The following MYO7A variants were observed in gnomAD, a reference collection of about 807,000 sequenced individuals.
MYO7A encodes myosin VIIA.
Under a neutral mutation model 263.8 loss-of-function variants are expected in MYO7A, and 210 were observed. The observed-to-expected ratio is 0.80, with a 90% CI of 0.71 to 0.89. The LOEUF (loss-of-function observed/expected upper bound fraction) is 0.89. Ranked by LOEUF, MYO7A falls within the 40% of genes least tolerant of loss-of-function variation. The pLI, the probability that MYO7A is intolerant of heterozygous loss-of-function variation, is 0.00. For missense variants in MYO7A, 2,820 were observed against 2,968.3 expected (o/e 0.95, Z 1.16); for synonymous variants, 1,239 against 1,197.3 (o/e 1.03, Z -0.72).
chr11:77,196,251 T>C (rs1174031367), intron 32 of MYO7A, among the ~76,000 whole-genome samples: 1 of 152,018 alleles, frequency 6.6e-6, no homozygotes, highest in Non-Finnish European at 1.5e-5. Flanking sequence ...CCTGTGATCC[T>C]AGCTACTCGG....
At chr11:77,194,969 T>G (rs998795205) in intron 32 of MYO7A, among the ~76,000 whole-genome samples, 5 of 152,044 alleles carry the variant, frequency 3.3e-5, no homozygotes, top group African/African-American at 1.2e-4. Flanking sequence ...CATGAGTGGT[T>G]CCCTCCCAAG....
At chr11:77,142,313 G>A (rs1380521736) in intron 2 of MYO7A, among the ~76,000 whole-genome samples, 2 of 152,226 alleles carry the variant, frequency 1.3e-5, no homozygotes, top group African/African-American at 2.4e-5. Flanking sequence ...TTCACCCACT[G>A]TCTGGGTGTC....
intron 25 of MYO7A, among the ~76,000 whole-genome samples, chr11:77,182,848 C>A (rs1955365792): frequency 6.6e-6 from 1 of 152,224 alleles, no homozygotes; most frequent in Non-Finnish European, 1.5e-5. Flanking sequence ...CAGTTGGAGC[C>A]AGCTCCCGTA....
intron 43 of MYO7A, 78 bp from the exon 44 acceptor site, chr11:77,208,619 T>G: frequency 1.3e-6 from 2 of 1,495,954 alleles, no homozygotes; most frequent in East Asian, 4.9e-5. Context: ...AGTGAGGGCC[T>G]CCTCTGGGTC....
intron 3 of MYO7A, among the ~76,000 whole-genome samples, chr11:77,144,007 AG>A (rs1951389444): frequency 6.6e-6 from 1 of 152,148 alleles, no homozygotes; most frequent in African/African-American, 2.4e-5. Flanking sequence ...AGGGAGGGAA[AG>A]AATTGTCATC....
chr11:77,210,929 G>C, intron 44 of MYO7A: 1 of 526,252 alleles, frequency 1.9e-6, no homozygotes, highest in South Asian at 3.0e-5. Flanking sequence ...ACATGGCCAT[G>C]CACTCCAACT....
intron 5 of MYO7A, 120 bp from the exon 6 acceptor site, chr11:77,156,540 C>A (rs1427736581): frequency 7.0e-7 from 1 of 1,431,480 alleles, no homozygotes; most frequent in East Asian, 2.3e-5. Context: ...CTGGAGGGTC[C>A]GTATTGTCAG....
chr11:77,208,869 G>A (rs1392091543), intron 44 of MYO7A, 66 bp downstream of exon 44: 1 of 1,326,726 alleles, frequency 7.5e-7, no homozygotes, highest in African/African-American at 1.5e-5. Context: ...GGCCCTGAAA[G>A]CAGAGACCCA....
chr11:77,212,155 G>A (rs755087988), intron 46 of MYO7A: 15 of 667,420 alleles, frequency 2.2e-5, no homozygotes, highest in Non-Finnish European at 3.3e-5. Context: ...TGGCAGTGGA[G>A]GCAGACATGT....
In MYO7A at chr11:77,183,173, G is replaced by T. The variant is rs781990381; in HGVS notation, c.3375+16G>T. The T allele has an allele frequency of 1.9e-6, 3 of 1,549,012 alleles. No homozygotes were observed. Among genetic ancestry groups the T allele is most frequent in the Non-Finnish European group, 8.7e-7 (1 of 1,145,306 alleles). Reference sequence around the variant, plus strand: ...CACAGAGGAGGTGAGGGCAGACGCTGGGGGTCTGGCAGCCCAGGGGTGGCT... The same window carrying T: ...CACAGAGGAGGTGAGGGCAGACGCTTGGGGTCTGGCAGCCCAGGGGTGGCT... On this transcript the variant is annotated intron_variant, in intron 26 of 48. Coordinates refer to ENST00000409709, the MANE Select transcript of MYO7A (RefSeq NM_000260.4).
chr11:77,148,862 CTCTT>C (rs1392579365), intron 4 of MYO7A, among the ~76,000 whole-genome samples: 1 of 152,106 alleles, frequency 6.6e-6, no homozygotes, highest in African/African-American at 2.4e-5. Flanking sequence ...TTTTTCAAAT[CTCTT>C]TAATGTCTGG....
At chr11:77,170,286 G>C (rs1025327980) in intron 15 of MYO7A, among the ~76,000 whole-genome samples, 1 of 152,162 alleles carries the variant, frequency 6.6e-6, no homozygotes, top group Admixed American at 6.5e-5. Flanking sequence ...CCAGAGGAAG[G>C]GCTTTGCAGG....
Position 77,212,674 on chromosome 11 carries a change from G to A in MYO7A, c.6355-278G>A, listed in dbSNP as rs115930794. Reference sequence around the variant, plus strand: ...CGAGGAGAACAGGTAGGTAGCTGGAGGCAGGTGCAGGGTCCAGGAGGCTTT... The same window carrying A: ...CGAGGAGAACAGGTAGGTAGCTGGAAGCAGGTGCAGGGTCCAGGAGGCTTT... On this transcript the variant is annotated intron_variant, in intron 46 of 48. Transcript: ENST00000409709. The A allele has an allele frequency of 1.2e-3, 647 of 518,814 alleles. 5 individuals carry two copies. The highest frequency in any genetic ancestry group is 0.011 in the African/African-American group (583 of 52,378). The allele number at this position is 518,814 out of a possible 1,614,324, so 32.1% of individuals were successfully genotyped here.
intron 18 of MYO7A, among the ~76,000 whole-genome samples, chr11:77,176,890 T>C (rs1230268354): frequency 6.6e-6 from 1 of 152,150 alleles, no homozygotes; most frequent in Admixed American, 6.5e-5. Context: ...AATTCATATA[T>C]ATTAAGTGAA....
At chr11:77,159,623 C>G (rs947688907) in intron 10 of MYO7A, 100 bp downstream of exon 10, 4 of 1,225,420 alleles carry the variant, frequency 3.3e-6, no homozygotes, top group Non-Finnish European at 3.5e-6. Context: ...ATTGCTGGGA[C>G]CCTCTGGTTT....
chr11:77,137,496 A>G (rs1591179025), intron 2 of MYO7A, among the ~76,000 whole-genome samples: 1 of 152,214 alleles, frequency 6.6e-6, no homozygotes, highest in South Asian at 2.1e-4. Flanking sequence ...GGAGGAGGAC[A>G]AAGATAGGCA....
rs116892396 is a variant in MYO7A at position 77,155,945 on chromosome 11, C to A, written c.324C>A (p.Tyr108Ter). ...CCATCCTGGTGGCTGTGAACCCCTA[C>A]CAGCTGCTCTCCATCTACTCGCCAG... ...TGSILVAVNP[Y>*]QLLSIYSPEH... Residue 108 changes from tyrosine (Y) to a stop codon, truncating the protein, a stop_gained, in exon 5 of 49, where the codon TAC becomes TAA. Transcript: ENST00000409709. LOFTEE classifies it high-confidence loss of function. 1.2e-6 allele frequency: 2 copies of A among 1,611,438 alleles called. No homozygotes were observed. The highest frequency in any genetic ancestry group is 8.5e-7 in the Non-Finnish European group (1 of 1,178,662).
At chr11:77,192,868 ATGG>A (rs1956205125) in intron 31 of MYO7A, among the ~76,000 whole-genome samples, 2 of 141,802 alleles carry the variant, frequency 1.4e-5, no homozygotes, top group Non-Finnish European at 3.1e-5. Context: ...GGTAATGATG[ATGG>A]TGGTGATGGT....
In MYO7A at chr11:77,189,033, G is replaced by A. The variant is rs2186659; in HGVS notation, c.3504-311G>A. On this transcript the variant is annotated intron_variant, in intron 27 of 48. Coordinates refer to ENST00000409709, the MANE Select transcript of MYO7A (RefSeq NM_000260.4). ...CGGGGACTGTGCTTCTCATTAGCATGGTCACCTGTGGCTGTGGCTGCGGCT... is the reference window on the plus strand; with the variant it reads ...CGGGGACTGTGCTTCTCATTAGCATAGTCACCTGTGGCTGTGGCTGCGGCT... Among the ~76,000 whole-genome samples the A allele has an allele frequency of 0.62, 93,848 of 152,056 alleles. 30,272 individuals are homozygous for A. Among genetic ancestry groups the A allele is most frequent in the African/African-American group, 0.81 (33,447 of 41,476 alleles).
Sources: allele counts gnomAD v4.1 joint callset (sites outside exome capture counted in the v4.1 genomes callset), GRCh38; gene constraint gnomAD v4.1.1; transcripts MANE v1.5; gene names NCBI Gene and HGNC (gene_info 2026-07-23, HGNC 2026-07-21).